ST6GALNAC3: variants seen among roughly 807,000 people sequenced by gnomAD.
The protein encoded by ST6GALNAC3 is ST6 N-acetylgalactosaminide alpha-2,6-sialyltransferase 3.
ST6GALNAC3 carries 25 observed loss-of-function variants against 32.7 expected under a neutral mutation model. That is an observed-to-expected ratio of 0.76 (90% confidence interval 0.56 to 1.07). The LOEUF (loss-of-function observed/expected upper bound fraction) is 1.07. ST6GALNAC3 is among the 50% of genes least tolerant of loss of function. The pLI is 0.00. For synonymous variants in ST6GALNAC3, 129 were observed against 133.1 expected (o/e 0.97, Z 0.21); for missense variants, 355 against 382.4 (o/e 0.93, Z 0.60).
intron 2 of ST6GALNAC3, among the ~76,000 whole-genome samples, chr1:76,409,201 C>T (rs1052410208): frequency 1.3e-5 from 2 of 152,192 alleles, no homozygotes; most frequent in South Asian, 4.1e-4. Context: ...CACTCATTCA[C>T]CTTGTATGGA....
chr1:76,594,541 T>C (rs1647101796), intron 3 of ST6GALNAC3, among the ~76,000 whole-genome samples: 1 of 152,174 alleles, frequency 6.6e-6, no homozygotes, highest in East Asian at 1.9e-4. Flanking sequence ...TTCGGATATT[T>C]TCTCCTCCTA....
At chr1:76,277,231 C>T (rs553531608) in intron 1 of ST6GALNAC3, among the ~76,000 whole-genome samples, 1 of 152,054 alleles carries the variant, frequency 6.6e-6, no homozygotes, top group East Asian at 1.9e-4. Context: ...ACTCCAACCT[C>T]ATATATATTT....
chr1:76,161,920 G>T (rs1421030768), intron 1 of ST6GALNAC3, among the ~76,000 whole-genome samples: 1 of 152,166 alleles, frequency 6.6e-6, no homozygotes, highest in Non-Finnish European at 1.5e-5. Flanking sequence ...GTCAGGCTTT[G>T]GTCAAAAACC....
rs185487259 is a variant in ST6GALNAC3 at position 76,592,745 on chromosome 1, T to C, written c.624-34707T>C. On this transcript the variant is annotated intron_variant, in intron 3 of 4. Coordinates refer to ENST00000328299, the MANE Select transcript of ST6GALNAC3 (RefSeq NM_152996.4). ...CCTGCTCTTGCTCAGCCGTTCTCCCTTGACAAACTAGCTATCATATCAGGT... is the reference window on the plus strand; with the variant it reads ...CCTGCTCTTGCTCAGCCGTTCTCCCCTGACAAACTAGCTATCATATCAGGT... Among the ~76,000 whole-genome samples the C allele has an allele frequency of 5.6e-4, 85 of 152,246 alleles. 2 individuals carry two copies. The highest frequency in any genetic ancestry group is 1.7e-3 in the African/African-American group (71 of 41,532).
chr1:76,120,778 G>A (rs960227423), intron 1 of ST6GALNAC3, among the ~76,000 whole-genome samples: 3 of 152,114 alleles, frequency 2.0e-5, no homozygotes, highest in African/African-American at 7.2e-5. Flanking sequence ...GCATCCCAGG[G>A]AACCCAGGTA....
At chr1:76,511,293 CCT>C (rs1661841827) in intron 3 of ST6GALNAC3, among the ~76,000 whole-genome samples, 1 of 152,222 alleles carries the variant, frequency 6.6e-6, no homozygotes, top group South Asian at 2.1e-4. Context: ...CCTCAGTCCT[CCT>C]CTCTGACCTC....
At chr1:76,461,057 A>G (rs1031850787) in intron 3 of ST6GALNAC3, among the ~76,000 whole-genome samples, 5 of 152,232 alleles carry the variant, frequency 3.3e-5, no homozygotes, top group African/African-American at 1.2e-4. Context: ...AAGTAAATTC[A>G]TAGTTCAAAA....
At chr1:76,084,290 G>A (rs1144345) in intron 1 of ST6GALNAC3, among the ~76,000 whole-genome samples, 2 of 152,142 alleles carry the variant, frequency 1.3e-5, no homozygotes, top group South Asian at 2.1e-4. Flanking sequence ...ACATCTGAGC[G>A]TTTGATGAGC....
chr1:76,554,846 T>C (rs1664828959), intron 3 of ST6GALNAC3, among the ~76,000 whole-genome samples: 1 of 152,158 alleles, frequency 6.6e-6, no homozygotes, highest in Admixed American at 6.6e-5. Flanking sequence ...TAATATTTCC[T>C]GAGCAGATAG....
intron 1 of ST6GALNAC3, among the ~76,000 whole-genome samples, chr1:76,175,497 C>A (rs1652792330): frequency 1.3e-5 from 2 of 149,608 alleles, no homozygotes; most frequent in Admixed American, 1.4e-4. Flanking sequence ...CTTTGAACCC[C>A]CTGAATCAGC....
chr1:76,305,116 A>G (rs1660968912), intron 1 of ST6GALNAC3, among the ~76,000 whole-genome samples: 1 of 152,008 alleles, frequency 6.6e-6, no homozygotes, highest in African/African-American at 2.4e-5. Context: ...TTCTTCCCAT[A>G]AGTAGTAGGA....
chr1:76,457,763 C>T (rs1017001175), intron 3 of ST6GALNAC3, among the ~76,000 whole-genome samples: 55 of 152,118 alleles, frequency 3.6e-4, no homozygotes, highest in African/African-American at 1.0e-3. Flanking sequence ...AAACGTTAGA[C>T]CTAAAACCAT....
intron 3 of ST6GALNAC3, among the ~76,000 whole-genome samples, chr1:76,584,372 G>A (rs1043800659): frequency 6.6e-6 from 1 of 152,102 alleles, no homozygotes; most frequent in African/African-American, 2.4e-5. Flanking sequence ...TAAGCCTGTT[G>A]ATCCATGAAT....
At chr1:76,136,895 C>A (rs1040708946) in intron 1 of ST6GALNAC3, among the ~76,000 whole-genome samples, 29 of 152,156 alleles carry the variant, frequency 1.9e-4, no homozygotes, top group Non-Finnish European at 2.9e-5. Context: ...ATCCCAGTAA[C>A]GATGCTAACA....
intron 1 of ST6GALNAC3, among the ~76,000 whole-genome samples, chr1:76,308,786 G>A (rs753097292): frequency 1.3e-5 from 2 of 152,140 alleles, no homozygotes; most frequent in African/African-American, 2.4e-5. Flanking sequence ...TTTTAGAATT[G>A]CAAAACATTG....
At chr1:76,113,184 C>A (rs908233493) in intron 1 of ST6GALNAC3, among the ~76,000 whole-genome samples, 1 of 152,058 alleles carries the variant, frequency 6.6e-6, no homozygotes, top group Non-Finnish European at 1.5e-5. Context: ...AAAAAAAATA[C>A]GAAAACCAGT....
At chr1:76,141,530 T>C (rs1650320329) in intron 1 of ST6GALNAC3, among the ~76,000 whole-genome samples, 1 of 152,162 alleles carries the variant, frequency 6.6e-6, no homozygotes, top group African/African-American at 2.4e-5. Context: ...AAAGATAGCA[T>C]GTAGTTTTTT....
intron 2 of ST6GALNAC3, among the ~76,000 whole-genome samples, chr1:76,367,175 A>G (rs12071740): frequency 0.2 from 30,067 of 152,202 alleles, 3,662 homozygotes; most frequent in Admixed American, 0.32. Context: ...TGCAAGCTAT[A>G]TAGTAAACTA....
chr1:76,341,957 G>A (rs767934633), intron 2 of ST6GALNAC3, among the ~76,000 whole-genome samples: 19 of 152,066 alleles, frequency 1.2e-4, no homozygotes, highest in Non-Finnish European at 2.2e-4. Context: ...AGAACATGTG[G>A]TGTTTGGTTT....
Sources: allele counts gnomAD v4.1 joint callset (sites outside exome capture counted in the v4.1 genomes callset), GRCh38; gene constraint gnomAD v4.1.1; transcripts MANE v1.5; gene names NCBI Gene and HGNC (gene_info 2026-07-23, HGNC 2026-07-21).